ASH1L: variants seen among roughly 807,000 people sequenced by gnomAD.
ASH1L encodes the protein ASH1 like histone lysine methyltransferase.
Under a neutral mutation model 269.0 loss-of-function variants are expected in ASH1L, and 23 were observed. That is an observed-to-expected ratio of 0.09 (90% CI 0.06 to 0.12). The LOEUF is 0.12. Among genes scored for constraint, ASH1L ranks in the 10% least tolerant of loss-of-function variants. ASH1L has a pLI of 1.00. For missense variants in ASH1L, 2,912 were observed against 3,567.8 expected (o/e 0.82, Z 4.68); for synonymous variants, 1,187 against 1,253.5 (o/e 0.95, Z 1.12).
intron 5 of ASH1L, among the ~76,000 whole-genome samples, chr1:155,437,402 TCTCATA>T (rs1180426967): frequency 1.3e-5 from 2 of 152,034 alleles, no homozygotes; most frequent in Non-Finnish European, 2.9e-5. Context: ...GAGATACCCA[TCTCATA>T]CTCATTTGGA....
intron 5 of ASH1L, among the ~76,000 whole-genome samples, chr1:155,423,355 C>T (rs1293890314): frequency 2.6e-5 from 4 of 151,820 alleles, no homozygotes; most frequent in Admixed American, 2.6e-4. Context: ...CCGAGGCAGG[C>T]AGATCACGAG....
At chr1:155,447,973 T>C (rs1258985421) in intron 4 of ASH1L, among the ~76,000 whole-genome samples, 3 of 152,268 alleles carry the variant, frequency 2.0e-5, no homozygotes, top group African/African-American at 7.2e-5. Flanking sequence ...TGTTCTCTTA[T>C]AGTAGTTTCA....
intron 12 of ASH1L, among the ~76,000 whole-genome samples, chr1:155,366,239 T>A (rs1655409302): frequency 6.6e-6 from 1 of 152,134 alleles, no homozygotes; most frequent in Non-Finnish European, 1.5e-5. Context: ...TACACTCCCA[T>A]CAGTGCCATG....
chr1:155,535,188 TAA>T (rs762665819), intron 1 of ASH1L, among the ~76,000 whole-genome samples: 31 of 137,524 alleles, frequency 2.3e-4, no homozygotes, highest in Admixed American at 3.6e-4. Context: ...AAACTCCATT[TAA>T]AAAAAAAAAA....
chr1:155,418,228 A>C (rs545880862), intron 5 of ASH1L, among the ~76,000 whole-genome samples: 4 of 152,322 alleles, frequency 2.6e-5, no homozygotes, highest in African/African-American at 9.6e-5. Context: ...GATAGAAAAG[A>C]AAATAACTTT....
At chr1:155,433,290 G>A (rs1377305398) in intron 5 of ASH1L, 1 of 1,570,518 alleles carries the variant, frequency 6.4e-7, no homozygotes, top group African/African-American at 1.4e-5. Context: ...ACCTGGCTAA[G>A]CTTCCAAGGC....
At position 155,521,494 on chromosome 1, in the gene ASH1L, A is replaced by G; in HGVS notation, c.26T>C (p.Leu9Ser). The G allele has an allele frequency of 1.2e-6, 2 of 1,613,268 alleles. No homozygotes were observed. The highest frequency in any genetic ancestry group is 1.7e-6 in the Non-Finnish European group (2 of 1,179,730). Residue 9 changes from leucine (L) to serine (S), a missense_variant, in exon 2 of 28, where the codon TTA (leucine) becomes TCA (serine). Physicochemically the swap from Leu to Ser is moderately radical, Grantham distance 145 (BLOSUM62 -2). This residue lies in a region of ASH1L where 115 missense variants were observed against 101.5 expected (regional missense o/e 1.13). Coordinates refer to ENST00000392403, the MANE Select transcript of ASH1L (RefSeq NM_018489.3). MDPRNTAM[L>S]GLGSDSEGFS... is the part of the protein sequence containing the mutation. ...ACCTTCGGAATCAGAACCCAATCCT[A>G]ACATAGCAGTATTTCTAGGGTCCAT... is the stretch of plus-strand genomic sequence containing the variant.
chr1:155,366,947 A>T (rs1481618240), intron 12 of ASH1L, among the ~76,000 whole-genome samples: 1 of 144,746 alleles, frequency 6.9e-6, no homozygotes, highest in Non-Finnish European at 1.5e-5. Flanking sequence ...AAGTGCTGAG[A>T]TTACAGGCGT....
intron 3 of ASH1L, among the ~76,000 whole-genome samples, chr1:155,460,962 T>C (rs937508598): frequency 1.3e-5 from 2 of 152,222 alleles, no homozygotes; most frequent in African/African-American, 4.8e-5. Context: ...ATTGGATTCT[T>C]TATAATCTAA....
chr1:155,486,946 A>G (rs535176501), intron 2 of ASH1L, among the ~76,000 whole-genome samples: 3 of 152,256 alleles, frequency 2.0e-5, no homozygotes, highest in Non-Finnish European at 2.9e-5. Context: ...CGGGCAGATC[A>G]CTCAAAGTCA....
intron 1 of ASH1L, among the ~76,000 whole-genome samples, chr1:155,556,604 C>A (rs186261137): frequency 6.6e-6 from 1 of 151,944 alleles, no homozygotes; most frequent in Non-Finnish European, 1.5e-5. Context: ...GCCACCTGCG[C>A]CTAATTTTTT....
At chr1:155,413,659 T>C (rs1161531154) in intron 6 of ASH1L, among the ~76,000 whole-genome samples, 1 of 152,124 alleles carries the variant, frequency 6.6e-6, no homozygotes, top group Non-Finnish European at 1.5e-5. Flanking sequence ...ATGCTTTTCC[T>C]CCTCTTTTCT....
intron 1 of ASH1L, among the ~76,000 whole-genome samples, chr1:155,533,607 G>A (rs942509248): frequency 7.9e-5 from 12 of 151,358 alleles, no homozygotes; most frequent in African/African-American, 2.7e-4. Context: ...CTAGCTACTC[G>A]GGAGGCTGAG....
intron 1 of ASH1L, among the ~76,000 whole-genome samples, chr1:155,534,558 T>C (rs926403670): frequency 2.4e-4 from 37 of 151,926 alleles, no homozygotes; most frequent in Admixed American, 2.0e-3. Flanking sequence ...GTACAAAATA[T>C]AGACAAAAAC....
At chr1:155,457,227 A>C (rs1456137119) in intron 4 of ASH1L, among the ~76,000 whole-genome samples, 1 of 152,170 alleles carries the variant, frequency 6.6e-6, no homozygotes, top group African/African-American at 2.4e-5. Context: ...ATATCAAATA[A>C]TTTATCTTCC....
intron 5 of ASH1L, among the ~76,000 whole-genome samples, chr1:155,424,713 A>G (rs1010412215): frequency 2.6e-5 from 4 of 152,130 alleles, no homozygotes; most frequent in African/African-American, 4.8e-5. Flanking sequence ...GGCCTATTAC[A>G]GTTAATTTTA....
At chr1:155,354,675 A>G (rs1654214650) in intron 15 of ASH1L, 45 bp from the exon 16 acceptor site, 1 of 1,576,182 alleles carries the variant, frequency 6.3e-7, no homozygotes, top group Non-Finnish European at 8.6e-7. Context: ...TTAATTAAAT[A>G]AGCATGTATT....
At chr1:155,539,979 G>A (rs1405838913) in intron 1 of ASH1L, among the ~76,000 whole-genome samples, 1 of 152,012 alleles carries the variant, frequency 6.6e-6, no homozygotes, top group Admixed American at 6.6e-5. Context: ...TGAGGTGGGA[G>A]GATTCCTTGA....
chr1:155,351,665 A>G (rs2148351032), intron 17 of ASH1L, among the ~76,000 whole-genome samples: 1 of 152,174 alleles, frequency 6.6e-6, no homozygotes, highest in South Asian at 2.1e-4. Context: ...CCTGGCCAAT[A>G]TGGTGAAACA....
Sources: allele counts gnomAD v4.1 joint callset (sites outside exome capture counted in the v4.1 genomes callset), GRCh38; gene constraint gnomAD v4.1.1; regional missense constraint gnomAD v4.1.1; transcripts MANE v1.5; gene names NCBI Gene and HGNC (gene_info 2026-07-23, HGNC 2026-07-21).